The following CFAP299 variants were observed in gnomAD, a reference collection of about 807,000 sequenced individuals.
CFAP299 encodes the protein cilia and flagella associated protein 299.
CFAP299 carries 21 observed loss-of-function variants against 27.0 expected under a neutral mutation model. That is an observed-to-expected ratio of 0.78 (90% CI 0.55 to 1.12). The LOEUF is 1.12. CFAP299 is among the 50% of genes most tolerant of loss of function. CFAP299 has a pLI of 0.00. For missense variants in CFAP299, 310 were observed against 276.6 expected, an observed-to-expected ratio of 1.12 and a Z score of -0.86; for synonymous variants, 104 against 98.1, an observed-to-expected ratio of 1.06 and a Z score of -0.36.
At chr4:80,484,852 C>G (rs538115748) in intron 2 of CFAP299, among the ~76,000 whole-genome samples, 19 of 152,010 alleles carry the variant, frequency 1.2e-4, no homozygotes, top group Admixed American at 1.2e-3. Flanking sequence ...CCTGTGTGTC[C>G]TATGTGAACT....
chr4:80,863,391 T>C (rs1309627212), intron 3 of CFAP299, among the ~76,000 whole-genome samples: 6 of 152,174 alleles, frequency 3.9e-5, no homozygotes, highest in Non-Finnish European at 5.9e-5. Flanking sequence ...AAGATCCAAA[T>C]GATATATTAA....
At chr4:80,844,713 A>G (rs1415903665) in intron 3 of CFAP299, among the ~76,000 whole-genome samples, 1 of 151,824 alleles carries the variant, frequency 6.6e-6, no homozygotes, top group African/African-American at 2.4e-5. Flanking sequence ...TTGCCTGTTC[A>G]CTCTGATGGT....
In CFAP299 at chr4:80,950,343, A is replaced by G. The variant is rs573412670; in HGVS notation, c.606+5404A>G. On this transcript the variant is annotated intron_variant, in intron 5 of 5. Transcript: ENST00000358105. ...ATCTGGAAGGTAGATTTCTTGTCCT[A>G]AAAAGCTTACAGGTTAACTGGTGAG... Among the ~76,000 whole-genome samples the G allele has an allele frequency of 9.9e-5, 15 of 151,794 alleles. No homozygotes were observed. In the South Asian group the frequency reaches 3.1e-3, roughly 32 times the overall value.
chr4:80,619,341 G>T (rs371583097), intron 3 of CFAP299, among the ~76,000 whole-genome samples: 1 of 152,110 alleles, frequency 6.6e-6, no homozygotes, highest in Admixed American at 6.6e-5. Flanking sequence ...TCTCTTCAGC[G>T]TTGACATTCT....
chr4:80,326,975 ACC>A, the CFAP299 span, among the ~76,000 whole-genome samples: 2 of 152,122 alleles, frequency 1.3e-5, no homozygotes, highest in East Asian at 1.9e-4. Flanking sequence ...ACTAAGTGGA[ACC>A]TGGTAGGTTC....
intron 4 of CFAP299, among the ~76,000 whole-genome samples, chr4:80,897,419 G>A (rs1300736395): frequency 1.3e-5 from 2 of 152,166 alleles, no homozygotes; most frequent in African/African-American, 2.4e-5. Flanking sequence ...AGATGTACTG[G>A]TCTGGATCCT....
At chr4:80,535,063 G>A (rs1733658088) in intron 2 of CFAP299, among the ~76,000 whole-genome samples, 1 of 152,082 alleles carries the variant, frequency 6.6e-6, no homozygotes, top group Admixed American at 6.5e-5. Context: ...GAGAGACTCG[G>A]AGTTTAGCAA....
At chr4:80,937,304 T>TTTTC (rs1313937616) in intron 4 of CFAP299, among the ~76,000 whole-genome samples, 6 of 136,286 alleles carry the variant, frequency 4.4e-5, no homozygotes, top group Non-Finnish European at 7.6e-5. Context: ...TTTTCTTTTT[T>TTTTC]TTTCTTTCTT....
chr4:80,893,785 GCTT>G (rs74781333), intron 4 of CFAP299, among the ~76,000 whole-genome samples: 3,290 of 151,922 alleles, frequency 0.022, 119 homozygotes, highest in East Asian at 0.15. Flanking sequence ...TAGGGAAAAA[GCTT>G]CTGTACATTG....
intron 3 of CFAP299, among the ~76,000 whole-genome samples, chr4:80,827,170 A>G (rs1349692138): frequency 6.6e-6 from 1 of 151,784 alleles, no homozygotes; most frequent in Admixed American, 6.6e-5. Context: ...GAAACTTAAA[A>G]ATATATATTT....
At chr4:80,818,759 G>T (rs541151121) in intron 3 of CFAP299, among the ~76,000 whole-genome samples, 16 of 152,246 alleles carry the variant, frequency 1.1e-4, no homozygotes, top group African/African-American at 3.6e-4. Flanking sequence ...ACTAAAAATA[G>T]TGAGTTGTCA....
At chr4:80,477,487 G>T (rs781118145) in intron 2 of CFAP299, among the ~76,000 whole-genome samples, 10 of 152,084 alleles carry the variant, frequency 6.6e-5, no homozygotes, top group Non-Finnish European at 1.5e-4. Flanking sequence ...TGGCCACTCA[G>T]GCTTTGGCCC....
chr4:80,815,943 C>T lies in CFAP299; in HGVS notation c.334-54050C>T, dbSNP rs971744561. Among the ~76,000 whole-genome samples, 10 of 151,858 alleles carry T rather than the reference C, an allele frequency of 6.6e-5. No homozygotes were observed. The East Asian group carries it at 1.4e-3, about 21-fold the overall frequency. On this transcript the variant is annotated intron_variant, in intron 3 of 5. Transcript: ENST00000358105. Reference sequence around the variant, plus strand: ...AATTTTTTGAAATAAAATATTTTTACAATACTTGTAATATTAAAAACAAGA... The same window carrying T: ...AATTTTTTGAAATAAAATATTTTTATAATACTTGTAATATTAAAAACAAGA...
At chr4:80,533,381 A>G (rs1733566849) in intron 2 of CFAP299, among the ~76,000 whole-genome samples, 1 of 152,224 alleles carries the variant, frequency 6.6e-6, no homozygotes, top group Non-Finnish European at 1.5e-5. Context: ...GTGGAATTCT[A>G]GGATTCCTTT....
At position 80,693,441 on chromosome 4, in the gene CFAP299, G is replaced by A. The variant is rs1459937024; in HGVS notation, c.333+110258G>A. ...AAATCATCATTCTCAGTAAACTATCGCAAGAACAAAAAACCAAACACCGCA... is the reference window on the plus strand; with the variant it reads ...AAATCATCATTCTCAGTAAACTATCACAAGAACAAAAAACCAAACACCGCA... On this transcript the variant is annotated intron_variant, in intron 3 of 5. Coordinates refer to ENST00000358105, the MANE Select transcript of CFAP299 (RefSeq NM_152770.3). Among the ~76,000 whole-genome samples, 29 of 149,978 alleles carry A rather than the reference G, an allele frequency of 1.9e-4. 1 individual carries two copies. Among genetic ancestry groups the A allele is most frequent in the Middle Eastern group, 3.5e-3 (1 of 288 alleles).
chr4:80,412,699 C>T (rs1246476740), intron 2 of CFAP299, among the ~76,000 whole-genome samples: 1 of 152,106 alleles, frequency 6.6e-6, no homozygotes, highest in Non-Finnish European at 1.5e-5. Context: ...AGAAATGCAG[C>T]AACATGTAGA....
At chr4:80,679,220 T>A (rs1334121651) in intron 3 of CFAP299, among the ~76,000 whole-genome samples, 3 of 152,102 alleles carry the variant, frequency 2.0e-5, no homozygotes, top group Non-Finnish European at 4.4e-5. Context: ...GAGATTCATC[T>A]GGATTGCTTC....
intron 2 of CFAP299, among the ~76,000 whole-genome samples, chr4:80,538,784 G>A (rs552748340): frequency 2.8e-4 from 43 of 152,266 alleles, no homozygotes; most frequent in African/African-American, 9.1e-4. Flanking sequence ...TTTGCATGAT[G>A]AACTTGCCTA....
At chr4:80,731,003 C>G (rs910190625) in intron 3 of CFAP299, among the ~76,000 whole-genome samples, 3 of 152,112 alleles carry the variant, frequency 2.0e-5, no homozygotes, top group Non-Finnish European at 4.4e-5. Flanking sequence ...AATGTACTAT[C>G]TACTATTTTT....
Sources: allele counts gnomAD v4.1 joint callset (sites outside exome capture counted in the v4.1 genomes callset), GRCh38; gene constraint gnomAD v4.1.1; transcripts MANE v1.5; gene names NCBI Gene and HGNC (gene_info 2026-07-23, HGNC 2026-07-21).